PLCB2: variants seen among roughly 807,000 people sequenced by gnomAD.
PLCB2 encodes phospholipase C beta 2, also known as 1-phosphatidylinositol 4,5-bisphosphate phosphodiesterase beta-2.
Under a neutral mutation model 141.7 loss-of-function variants are expected in PLCB2, and 115 were observed. The observed-to-expected ratio is 0.81, with a 90% confidence interval of 0.70 to 0.95. PLCB2 has a LOEUF of 0.95. Ranked by LOEUF, PLCB2 falls within the 40% of genes least tolerant of loss-of-function variation. The pLI is 0.00. For synonymous variants in PLCB2, 603 were observed against 595.6 expected, an observed-to-expected ratio of 1.01 and a Z score of -0.18; for missense variants, 1,403 against 1,541.1, an observed-to-expected ratio of 0.91 and a Z score of 1.50.
At chr15:40,294,866 C>T in intron 18 of PLCB2, 70 bp downstream of exon 18, 1 of 1,598,962 alleles carries the variant, frequency 6.3e-7, no homozygotes, top group Non-Finnish European at 8.6e-7. Context: ...TCCAAAGACC[C>T]CTCAAGGATG....
rs1294868828 is a variant in PLCB2 at position 40,290,769 on chromosome 15, C to A, written c.3105G>T (p.Thr1035=). Reference sequence around the variant, plus strand: ...GAGGGAGGCAGTCGTACTTCTCCGACGTCTCCTTCAGGGCCTTCAGCTCTG... The same window carrying A: ...GAGGGAGGCAGTCGTACTTCTCCGAAGTCTCCTTCAGGGCCTTCAGCTCTG... ...QAAELKALKE[T]SENDTKEMKK... is the part of the protein sequence containing the mutation. Residue 1035 remains threonine (T), a synonymous_variant, in exon 28 of 32, where the codon ACG becomes ACT. Coordinates refer to ENST00000260402, the MANE Select transcript of PLCB2 (RefSeq NM_004573.3). 1 of 1,613,830 alleles carries A rather than the reference C, an allele frequency of 6.2e-7. No individual in the cohort carries two copies. Among genetic ancestry groups the A allele is most frequent in the African/African-American group, 1.3e-5 (1 of 75,006 alleles).
rs761148433 is a variant in PLCB2 at position 40,297,501 on chromosome 15, C to T, written c.1323+20G>A. The T allele has an allele frequency of 1.4e-5, 22 of 1,595,676 alleles. No individual in the cohort carries two copies. The highest frequency in any genetic ancestry group is 1.1e-4 in the East Asian group (5 of 44,794). ...TTCCCAGGCCCAAGGCTCAAATGTCCCACAGCGAAGCCCACTCACTGGGAA... is the reference window on the plus strand; with the variant it reads ...TTCCCAGGCCCAAGGCTCAAATGTCTCACAGCGAAGCCCACTCACTGGGAA... On this transcript the variant is annotated intron_variant, in intron 13 of 31. Transcript: ENST00000260402. This position sits in a 1 kb window ranked among gnomAD's most constrained non-coding sequence, Gnocchi z 4.2.
downstream of PLCB2, chr15:40,285,809 T>A: frequency 1.0e-6 from 1 of 985,352 alleles, no homozygotes; most frequent in Non-Finnish European, 1.2e-6. Context: ...CCCCCCCAGG[T>A]GGAGGAGAGA....
rs560132484 is a variant in PLCB2, at chr15:40,307,787, G to C, written c.-115C>G. Reference sequence around the variant, plus strand: ...GGGCTCAAATGGCACCCATCCCCGAGCTGCTCCAGAAATCTAGTTGCTCTT... The same window carrying C: ...GGGCTCAAATGGCACCCATCCCCGACCTGCTCCAGAAATCTAGTTGCTCTT... On this transcript the variant is annotated 5_prime_UTR_variant, in exon 1 of 32. Transcript: ENST00000260402. The C allele has an allele frequency of 2.5e-6, 2 of 797,602 alleles. No individual in the cohort carries two copies. Among genetic ancestry groups the C allele is most frequent in the South Asian group, 4.0e-5 (2 of 50,274 alleles). 49.4% of individuals were successfully genotyped at this position (797,602 alleles called of 1,614,324 possible). A position where few individuals can be genotyped will look rare whatever the true frequency, so the allele number is the denominator to read the frequency against.
In PLCB2 at chr15:40,294,813, A is replaced by T. The variant is rs551497929; in HGVS notation, c.1906+123T>A. ...CCCCCAAATTCTCACGCACCTGGGC[A>T]TGCTCCCAGAGTCTACACTAACAGC... On this transcript the variant is annotated intron_variant, in intron 18 of 31. Coordinates refer to ENST00000260402, the MANE Select transcript of PLCB2 (RefSeq NM_004573.3). The T allele has an allele frequency of 4.7e-4, 583 of 1,229,992 alleles. 3 individuals carry two copies. In the South Asian group the frequency reaches 5.7e-3, roughly 12 times the overall value. The allele number at this position is 1,229,992 out of a possible 1,614,324, so 76.2% of individuals were successfully genotyped here. A position where few individuals can be genotyped will look rare whatever the true frequency, so the allele number is the denominator to read the frequency against.
chr15:40,286,100 T>C (rs1284949422), downstream of PLCB2: 1 of 946,550 alleles, frequency 1.1e-6, no homozygotes, highest in Non-Finnish European at 1.3e-6. Context: ...ACAGCAAAGC[T>C]GAAAAAAAGC....
At position 40,292,935 on chromosome 15, in the gene PLCB2, G is replaced by T; in HGVS notation, c.2317C>A (p.Leu773Ile). The stretch of plus-strand genomic sequence containing the variant: ...GGACCCCACTCCTTACCAGAATTTA[G>T]GGCATTGATGGGGATGATGCGGTGT... ...LGHRIIPINA[L>I]NSGYHHLCLH... The change falls in exon 21 of 32, where the codon CTA becomes ATA. Residue 773 changes from leucine to isoleucine, a missense_variant. This residue lies in a region of PLCB2 where 975 missense variants were observed against 1,141.1 expected (regional missense o/e 0.85). Transcript: ENST00000260402. The T allele has an allele frequency of 6.2e-6, 10 of 1,600,708 alleles. No homozygotes were observed. Among genetic ancestry groups the T allele is most frequent in the Non-Finnish European group, 7.7e-6 (9 of 1,170,956 alleles).
chr15:40,301,514 G>A (rs1194964910), intron 7 of PLCB2: 5 of 702,800 alleles, frequency 7.1e-6, no homozygotes, highest in Admixed American at 2.0e-5. Flanking sequence ...GGCAGCTTCC[G>A]CCTTTGGTTC....
chr15:40,294,171 G>C, intron 19 of PLCB2, 95 bp downstream of exon 19: 3 of 1,251,874 alleles, frequency 2.4e-6, no homozygotes, highest in Non-Finnish European at 3.4e-6. Flanking sequence ...CAGGATATCA[G>C]GGGAGGGGGT....
chr15:40,306,831 T>C (rs1354233808), intron 1 of PLCB2, among the ~76,000 whole-genome samples: 1 of 152,130 alleles, frequency 6.6e-6, no homozygotes, highest in Non-Finnish European at 1.5e-5. Context: ...TGAAGGAGAA[T>C]CTCCATATTG....
Position 40,291,179 on chromosome 15 carries a change from G to A in PLCB2, c.2875C>T (p.Leu959=), listed in dbSNP as rs773255832. ...GCTCCGGCGCTCTCCTCGCGGGGCA[G>A]GCTCCTGGGGAGGCCACGTGGGGAC... is the stretch of plus-strand genomic sequence containing the variant. The part of the protein sequence containing the change: ...PGKGSRKKRS[L]PREESAGAAP... The change falls in exon 27 of 32, where the codon CTG becomes TTG. Residue 959 remains leucine, a synonymous_variant. Coordinates refer to ENST00000260402, the MANE Select transcript of PLCB2 (RefSeq NM_004573.3). 1.1e-5 allele frequency: 18 copies of A among 1,570,844 alleles called. No individual in the cohort carries two copies. The Admixed American group carries it at 2.7e-4, about 23-fold the overall frequency.
intron 3 of PLCB2, 95 bp from the exon 4 acceptor site, chr15:40,302,704 G>T: frequency 1.4e-6 from 2 of 1,388,714 alleles, no homozygotes; most frequent in Non-Finnish European, 2.0e-6. Flanking sequence ...TTGGGCTATG[G>T]CCCACTGGGC....
chr15:40,284,399 G>A (rs1473343040), downstream of PLCB2: 5 of 399,828 alleles, frequency 1.3e-5, no homozygotes, highest in Non-Finnish European at 2.5e-5. Flanking sequence ...AAAAATGGAC[G>A]TTGTCACCTG....
intron 1 of PLCB2, among the ~76,000 whole-genome samples, chr15:40,306,937 A>T (rs945998029): frequency 6.6e-6 from 1 of 152,238 alleles, no homozygotes; most frequent in Middle Eastern, 3.2e-3. Flanking sequence ...GAAGGAACAG[A>T]CACAGCAGAG....
chr15:40,298,079 C>G (rs1271133957), intron 11 of PLCB2, 120 bp from the exon 12 acceptor site: 1 of 1,161,516 alleles, frequency 8.6e-7, no homozygotes, highest in Non-Finnish European at 1.2e-6. Context: ...CCGCCATTGG[C>G]CCCCAATCCC....
At chr15:40,293,422 T>G (rs1337929765) in intron 20 of PLCB2, 138 bp downstream of exon 20, 10 of 866,950 alleles carry the variant, frequency 1.2e-5, no homozygotes, top group Non-Finnish European at 7.3e-6. Flanking sequence ...TTTGCACTCT[T>G]GAAACAGGAG....
rs377329525 is a variant in PLCB2 at position 40,298,625 on chromosome 15, G to A, written c.934C>T (p.His312Tyr). 1.9e-6 allele frequency: 3 copies of A among 1,614,092 alleles called. No individual in the cohort carries two copies. Among genetic ancestry groups the A allele is most frequent in the Non-Finnish European group, 2.5e-6 (3 of 1,180,016 alleles). The stretch of plus-strand genomic sequence containing the variant: ...TGATTGAGTGGCTGCGTCATGTCGT[G>A]GTGGAGCAGCAGCTTGTCCTGGGCC... Reference protein sequence around the residue: ...VLAQDKLLLHHDMTQPLNHYF... With the variant: ...VLAQDKLLLHYDMTQPLNHYF... The change falls in exon 10 of 32, where the codon CAC becomes TAC. Residue 312 changes from histidine (H) to tyrosine (Y), a missense_variant. Physicochemically the swap from His to Tyr is moderately conservative, Grantham distance 83. Coordinates refer to ENST00000260402, the MANE Select transcript of PLCB2 (RefSeq NM_004573.3).
intron 1 of PLCB2, among the ~76,000 whole-genome samples, chr15:40,305,604 G>T (rs1190776164): frequency 6.6e-6 from 1 of 152,226 alleles, no homozygotes; most frequent in Non-Finnish European, 1.5e-5. Context: ...GTAAGAAGGG[G>T]CTGAAGACAT....
At chr15:40,286,087 G>A (rs920151563), downstream of PLCB2, 1 of 972,728 alleles carries the variant, frequency 1.0e-6, no homozygotes, top group South Asian at 4.8e-5. Flanking sequence ...GAACAGAAAA[G>A]AAACAGCAAA....
Sources: allele counts gnomAD v4.1 joint callset (sites outside exome capture counted in the v4.1 genomes callset), GRCh38; gene constraint gnomAD v4.1.1; regional missense constraint gnomAD v4.1.1; non-coding constraint Gnocchi (gnomAD v3.1); transcripts MANE v1.5; gene names NCBI Gene and HGNC (gene_info 2026-07-23, HGNC 2026-07-21).